Variants in PCDH11X observed in about 807,000 individuals in gnomAD.
The protein encoded by PCDH11X is protocadherin-11 X-linked.
A neutral mutation model predicts 53.3 loss-of-function variants in PCDH11X; 18 were observed. That is an observed-to-expected ratio of 0.34 (90% CI 0.23 to 0.50). The LOEUF (loss-of-function observed/expected upper bound fraction) is 0.50, where lower values mean the gene tolerates loss of function less well. PCDH11X is among the 20% of genes least tolerant of loss of function. PCDH11X has a pLI of 0.98. For missense variants in PCDH11X, 570 were observed against 1,032.4 expected (o/e 0.55, Z 6.14); for synonymous variants, 279 against 393.3 (o/e 0.71, Z 3.44).
At chrX:92,235,222 T>C (rs1224027221) in intron 7 of PCDH11X, among the ~76,000 whole-genome samples, 1 of 111,232 alleles carries the variant, frequency 9.0e-6, no homozygotes, top group African/African-American at 3.3e-5. Context: ...CTGATAAAGA[T>C]GATTCTTGGT....
At chrX:92,395,901 C>G (rs2071232263) in intron 9 of PCDH11X, among the ~76,000 whole-genome samples, 1 of 108,242 alleles carries the variant, frequency 9.2e-6, no homozygotes, top group South Asian at 4.1e-4. Context: ...GGGACTGTTA[C>G]AATATATCCA....
At chrX:92,591,921 C>T (rs1925077137) in intron 10 of PCDH11X, among the ~76,000 whole-genome samples, 2 of 109,476 alleles carry the variant, frequency 1.8e-5, no homozygotes, top group Admixed American at 2.0e-4. Flanking sequence ...TTTCTGGAAA[C>T]ACCTTTTGCT....
chrX:92,476,390 T>G (rs2073387084), intron 10 of PCDH11X, among the ~76,000 whole-genome samples: 1 of 108,711 alleles, frequency 9.2e-6, no homozygotes, highest in Non-Finnish European at 1.9e-5. Context: ...TTTTACTTGA[T>G]TCATTCTAAT....
intron 10 of PCDH11X, among the ~76,000 whole-genome samples, chrX:92,606,060 C>A (rs1429353195): frequency 9.2e-6 from 1 of 108,530 alleles, no homozygotes; most frequent in Non-Finnish European, 1.9e-5. Context: ...GGAGAAACCT[C>A]GTCTCTACTA....
chrX:92,225,331 CA>C (rs35632625), intron 7 of PCDH11X, among the ~76,000 whole-genome samples: 8,448 of 69,247 alleles, frequency 0.12, 551 homozygotes, highest in African/African-American at 0.29. Context: ...CACAATAATT[CA>C]AAAAAAAAAA....
intron 6 of PCDH11X, among the ~76,000 whole-genome samples, chrX:92,032,578 T>G (rs1416933610): frequency 9.0e-6 from 1 of 111,239 alleles, no homozygotes; most frequent in African/African-American, 3.3e-5. Context: ...AGGAAAGGCT[T>G]TCAGTTTTTT....
At chrX:92,514,826 T>C (rs931418289) in intron 10 of PCDH11X, among the ~76,000 whole-genome samples, 5 of 107,919 alleles carry the variant, frequency 4.6e-5, no homozygotes, top group African/African-American at 1.7e-4. Flanking sequence ...GGCAGGCAGA[T>C]CACAAGGTCA....
chrX:92,020,667 AAC>A (rs1443932367), intron 6 of PCDH11X, among the ~76,000 whole-genome samples: 6 of 110,749 alleles, frequency 5.4e-5, no homozygotes, highest in African/African-American at 1.6e-4. Flanking sequence ...CCCCCAATAA[AAC>A]ACACTCCCTC....
chrX:92,149,436 TCTCTC>T (rs2065390740), intron 6 of PCDH11X, among the ~76,000 whole-genome samples: 1 of 95,086 alleles, frequency 1.1e-5, no homozygotes, highest in Non-Finnish European at 2.1e-5. Context: ...TCTCACTCTC[TCTCTC>T]TCTCTCTCTC....
chrX:91,972,754 G>T (rs773777766), intron 6 of PCDH11X, among the ~76,000 whole-genome samples: 65 of 109,708 alleles, frequency 5.9e-4, no homozygotes, highest in African/African-American at 1.9e-3. Flanking sequence ...AGATCAGATG[G>T]TTGTAGATAT....
rs1382743974 is a variant in PCDH11X at position 92,528,053 on chromosome X, C to T, written c.3367+59731C>T. On this transcript the variant is annotated intron_variant, in intron 10 of 10. Transcript: ENST00000682573. ...TTCTAAATGTACTCTTATTCCCAAACACGAGTCATAAACAGAATGAGATTG... is the reference window on the plus strand; with the variant it reads ...TTCTAAATGTACTCTTATTCCCAAATACGAGTCATAAACAGAATGAGATTG... 3.6e-5 allele frequency among the ~76,000 whole-genome samples: 4 copies of T among 111,678 alleles called. No homozygotes were observed. The Admixed American group carries it at 3.8e-4, about 11-fold the overall frequency.
At chrX:92,350,715 G>C (rs1182273348) in intron 8 of PCDH11X, among the ~76,000 whole-genome samples, 3 of 111,357 alleles carry the variant, frequency 2.7e-5, no homozygotes, top group Admixed American at 9.6e-5. Flanking sequence ...CATGATTCAA[G>C]TCTCCACACG....
At chrX:92,594,706 A>G (rs1301473773) in intron 10 of PCDH11X, among the ~76,000 whole-genome samples, 1 of 108,912 alleles carries the variant, frequency 9.2e-6, no homozygotes, top group Non-Finnish European at 1.9e-5. Context: ...TGACATTAAA[A>G]TAGAAGAAAG....
intron 6 of PCDH11X, among the ~76,000 whole-genome samples, chrX:91,990,973 G>A (rs1176727556): frequency 1.0e-5 from 1 of 100,478 alleles, no homozygotes; most frequent in African/African-American, 3.7e-5. Flanking sequence ...AATAAATTTT[G>A]GGTTCTCCAT....
At chrX:92,295,747 G>GTGTT (rs200852420) in intron 8 of PCDH11X, among the ~76,000 whole-genome samples, 2,427 of 16,241 alleles carry the variant, frequency 0.15, 81 homozygotes, top group African/African-American at 0.28. Context: ...GTTTGTGTGT[G>GTGTT]TGTGTGTGTG....
rs1258173619 is a variant in PCDH11X, at chrX:91,876,151, G to A, written c.541-630G>A. ...CATTGTGTGTTCTCACTGATATATG[G>A]GTGCTAAGTTATGAGGACGCAAAGG... On this transcript the variant is annotated intron_variant, in intron 5 of 10. Transcript: ENST00000682573. 2.7e-5 allele frequency among the ~76,000 whole-genome samples: 3 copies of A among 111,005 alleles called. 1 individual carries two copies. The highest frequency in any genetic ancestry group is 7.6e-4 in the South Asian group (2 of 2,641).
chrX:92,297,556 G>A (rs1287063980), intron 8 of PCDH11X, among the ~76,000 whole-genome samples: 2 of 111,526 alleles, frequency 1.8e-5, no homozygotes, highest in East Asian at 5.7e-4. Context: ...GTGTAGCCTT[G>A]TAATATAGTT....
intron 9 of PCDH11X, among the ~76,000 whole-genome samples, chrX:92,392,714 G>A (rs1459188188): frequency 9.1e-6 from 1 of 110,145 alleles, no homozygotes; most frequent in Non-Finnish European, 1.9e-5. Context: ...GAATAAGCTA[G>A]TAATGGGTCA....
intron 7 of PCDH11X, among the ~76,000 whole-genome samples, chrX:92,211,187 A>G (rs745545572): frequency 8.9e-6 from 1 of 112,017 alleles, no homozygotes; most frequent in Non-Finnish European, 1.9e-5. Flanking sequence ...TGGGCTGTAC[A>G]GGCTTCTGCT....
Sources: allele counts gnomAD v4.1 joint callset (sites outside exome capture counted in the v4.1 genomes callset), GRCh38; gene constraint gnomAD v4.1.1; transcripts MANE v1.5; gene names NCBI Gene and HGNC (gene_info 2026-07-23, HGNC 2026-07-21).